Variants in SND1 observed in about 807,000 individuals in gnomAD.
The protein encoded by SND1 is staphylococcal nuclease and tudor domain containing 1.
In SND1, 38 loss-of-function variants were observed where a neutral mutation model predicts 121.7. That is an observed-to-expected ratio of 0.31 (90% confidence interval 0.24 to 0.41). The LOEUF (loss-of-function observed/expected upper bound fraction) is 0.41, where lower values mean the gene tolerates loss of function less well. Among genes scored for constraint, SND1 ranks in the 10% least tolerant of loss-of-function variants. The probability of loss-of-function intolerance (pLI) is 1.00; values close to 1 mark genes in which losing one functional copy is unlikely to be tolerated. For missense variants in SND1, 868 were observed against 1,184.6 expected (o/e 0.73, Z 3.92); for synonymous variants, 401 against 447.4 (o/e 0.90, Z 1.31).
intron 10 of SND1, among the ~76,000 whole-genome samples, chr7:127,760,126 A>G (rs535680525): frequency 6.6e-6 from 1 of 152,212 alleles, no homozygotes; most frequent in African/African-American, 2.4e-5. Context: ...CCAACATGCC[A>G]GACTTGCTCT....
At chr7:127,848,266 C>G (rs950033054) in intron 12 of SND1, among the ~76,000 whole-genome samples, 8 of 152,216 alleles carry the variant, frequency 5.3e-5, no homozygotes, top group African/African-American at 1.9e-4. Context: ...AGTAAATACA[C>G]ACTCTTTGTG....
intron 12 of SND1, among the ~76,000 whole-genome samples, chr7:127,855,283 C>G (rs1344609700): frequency 1.3e-5 from 2 of 151,978 alleles, no homozygotes; most frequent in Admixed American, 1.3e-4. Flanking sequence ...CCCCACCTGG[C>G]TAATTTTTGA....
At chr7:128,060,599 A>C (rs2117033484) in intron 16 of SND1, among the ~76,000 whole-genome samples, 1 of 152,272 alleles carries the variant, frequency 6.6e-6, no homozygotes, top group South Asian at 2.1e-4. Flanking sequence ...GCCTCTAGGC[A>C]GCAGCTCAGG....
chr7:127,688,457 A>C (rs1795855434), intron 2 of SND1, among the ~76,000 whole-genome samples: 1 of 151,700 alleles, frequency 6.6e-6, no homozygotes, highest in Non-Finnish European at 1.5e-5. Flanking sequence ...CCTGTAATCC[A>C]AGCACTTTGG....
At chr7:127,878,147 C>T (rs1799724861) in intron 12 of SND1, among the ~76,000 whole-genome samples, 1 of 152,062 alleles carries the variant, frequency 6.6e-6, no homozygotes, top group South Asian at 2.1e-4. Context: ...TTTCTTTCCA[C>T]TTCCTCCTCC....
intron 16 of SND1, among the ~76,000 whole-genome samples, chr7:127,991,318 C>T (rs1194120775): frequency 2.0e-5 from 3 of 152,222 alleles, no homozygotes; most frequent in Non-Finnish European, 2.9e-5. Flanking sequence ...ATGCAGAGAG[C>T]TTACATCTTT....
intron 14 of SND1, among the ~76,000 whole-genome samples, chr7:127,921,441 T>A (rs1800703500): frequency 6.6e-6 from 1 of 152,196 alleles, no homozygotes; most frequent in South Asian, 2.1e-4. Context: ...AATGAATGGG[T>A]GGTTAATTTT....
At chr7:127,869,157 A>G (rs1320000200) in intron 12 of SND1, among the ~76,000 whole-genome samples, 2 of 152,176 alleles carry the variant, frequency 1.3e-5, no homozygotes, top group Non-Finnish European at 2.9e-5. Context: ...CTCAGTGGCA[A>G]GGTATCAGGA....
Position 128,070,323 on chromosome 7 carries a change from C to T in SND1, c.1780-4179C>T, listed in dbSNP as rs146114062. Among the ~76,000 whole-genome samples the T allele has an allele frequency of 8.5e-4, 130 of 152,340 alleles. 1 individual carries two copies. The highest frequency in any genetic ancestry group is 6.8e-3 in the Middle Eastern group (2 of 294). On this transcript the variant is annotated intron_variant, in intron 16 of 23. Transcript: ENST00000354725. ...GGAGAGCCCTCATCTGTCCCTCGCC[C>T]ATGCTGCTTGTGTACATGCACACAC...
At position 127,980,399 on chromosome 7, in the gene SND1, C is replaced by T. The variant is rs1313190412; in HGVS notation, c.1670-10548C>T. On this transcript the variant is annotated intron_variant, in intron 15 of 23. Transcript: ENST00000354725. ...CCTCCCAAAGTGCTGGGATTACAGG[C>T]GTGAGCCACCGCGCCCGGCCTCTTT... 8.8e-5 allele frequency among the ~76,000 whole-genome samples: 13 copies of T among 146,988 alleles called. 5 individuals carry two copies. The highest frequency in any genetic ancestry group is 1.6e-4 in the Non-Finnish European group (11 of 66,966).
At chr7:127,770,276 G>A (rs1361230928) in intron 10 of SND1, among the ~76,000 whole-genome samples, 1 of 152,238 alleles carries the variant, frequency 6.6e-6, no homozygotes, top group Non-Finnish European at 1.5e-5. Flanking sequence ...GGGTGGCTGA[G>A]TCAGGGTGAA....
intron 14 of SND1, among the ~76,000 whole-genome samples, chr7:127,913,488 G>A (rs1800503572): frequency 6.6e-6 from 1 of 152,216 alleles, no homozygotes; most frequent in African/African-American, 2.4e-5. Context: ...TTTTTCCAAA[G>A]AGAGTTCCTC....
intron 16 of SND1, among the ~76,000 whole-genome samples, chr7:128,005,248 G>C (rs924890047): frequency 6.6e-6 from 1 of 152,202 alleles, no homozygotes; most frequent in African/African-American, 2.4e-5. Context: ...CATGTGAGGT[G>C]CAGAGGGGCC....
At chr7:127,866,520 T>C (rs550160037) in intron 12 of SND1, among the ~76,000 whole-genome samples, 33 of 152,314 alleles carry the variant, frequency 2.2e-4, no homozygotes, top group Middle Eastern at 3.4e-3. Context: ...TAGTTATTTA[T>C]ATGTTAAAGA....
chr7:128,079,803 T>A (rs1422627311), intron 17 of SND1, among the ~76,000 whole-genome samples: 1 of 152,186 alleles, frequency 6.6e-6, no homozygotes, highest in African/African-American at 2.4e-5. Context: ...GTTTGACCAA[T>A]GTCAAATGGC....
At chr7:127,895,354 C>G (rs1028269455) in intron 13 of SND1, among the ~76,000 whole-genome samples, 1 of 152,062 alleles carries the variant, frequency 6.6e-6, no homozygotes, top group Non-Finnish European at 1.5e-5. Flanking sequence ...AGCGGTAGTT[C>G]GGTGCCTTAC....
intron 16 of SND1, among the ~76,000 whole-genome samples, chr7:128,041,801 C>T (rs1452891454): frequency 6.6e-6 from 1 of 152,232 alleles, no homozygotes. Context: ...CACCTTGAAA[C>T]TTGTTCTGCC....
chr7:127,994,687 C>T (rs534863356), intron 16 of SND1, among the ~76,000 whole-genome samples: 55 of 148,306 alleles, frequency 3.7e-4, no homozygotes, highest in Non-Finnish European at 6.8e-4. Flanking sequence ...TTCATTGAAA[C>T]ACAGCCATGC....
chr7:128,078,054 G>T (rs1793535564), intron 17 of SND1, among the ~76,000 whole-genome samples: 1 of 152,202 alleles, frequency 6.6e-6, no homozygotes, highest in South Asian at 2.1e-4. Flanking sequence ...GTGGAAAGTG[G>T]CTGGGTCTGG....
Sources: allele counts gnomAD v4.1 joint callset (sites outside exome capture counted in the v4.1 genomes callset), GRCh38; gene constraint gnomAD v4.1.1; transcripts MANE v1.5; gene names NCBI Gene and HGNC (gene_info 2026-07-23, HGNC 2026-07-21).